Variants in VWDE observed in about 807,000 individuals in gnomAD.
VWDE encodes the protein von Willebrand factor D and EGF domains.
A neutral mutation model predicts 178.4 loss-of-function variants in VWDE; 207 were observed. The observed-to-expected ratio is 1.16, with a 90% confidence interval of 1.04 to 1.30. The LOEUF is 1.30. Among genes scored for constraint, VWDE ranks in the 50% most tolerant of loss-of-function variants. The pLI, the probability that VWDE is intolerant of heterozygous loss-of-function variation, is 0.00. For synonymous variants in VWDE, 738 were observed against 651.4 expected (o/e 1.13, Z -2.02); for missense variants, 2,287 against 1,901.3 (o/e 1.20, Z -3.77).
At chr7:12,379,342 A>T in intron 6 of VWDE, 135 bp downstream of exon 6, 1 of 508,142 alleles carries the variant, frequency 2.0e-6, no homozygotes, top group Non-Finnish European at 3.2e-6. Flanking sequence ...CTTTTCTTCA[A>T]ATATGGGGAC....
Position 12,361,152 on chromosome 7 carries a change from T to C in VWDE, c.3154A>G (p.Ile1052Val). 2 of 1,514,478 alleles carry C rather than the reference T, an allele frequency of 1.3e-6. No individual in the cohort carries two copies. Among genetic ancestry groups the C allele is most frequent in the Non-Finnish European group, 9.0e-7 (1 of 1,116,234 alleles). 93.8% of individuals were successfully genotyped at this position (1,514,478 alleles called of 1,614,324 possible). Residue 1052 changes from isoleucine to valine, a missense_variant, in exon 15 of 29, where the codon ATA (isoleucine) becomes GTA (valine). Transcript: ENST00000275358. ...CGLYKNDSCT[I>V]KENVCIIDGL... ...TACATGAAAAAAATACATACCTTTA[T>C]AGTACATGAGTCATTTTTATAGAGA... is the stretch of plus-strand genomic sequence containing the variant.
chr7:12,342,853 C>T (rs1167374097), intron 22 of VWDE, among the ~76,000 whole-genome samples: 1 of 145,564 alleles, frequency 6.9e-6, no homozygotes, highest in Non-Finnish European at 1.5e-5. Flanking sequence ...CCACAACAGT[C>T]CCCAGAGTGT....
rs895479031 is a variant in VWDE, at chr7:12,352,111, C to A, written c.3746-398G>T. ...CAGAGATATCTCACCACAAACCAAC[C>A]CTACTCGCACCTTAATCTTGAACTT... On this transcript the variant is annotated intron_variant, in intron 18 of 28. Coordinates refer to ENST00000275358, the MANE Select transcript of VWDE (RefSeq NM_001135924.3). Among the ~76,000 whole-genome samples the A allele has an allele frequency of 5.3e-5, 8 of 152,228 alleles. No individual in the cohort carries two copies. In the South Asian group the frequency reaches 8.3e-4, roughly 16 times the overall value.
At chr7:12,341,239 T>G (rs1264525143) in intron 23 of VWDE, among the ~76,000 whole-genome samples, 1 of 152,192 alleles carries the variant, frequency 6.6e-6, no homozygotes, top group Non-Finnish European at 1.5e-5. Flanking sequence ...TCACAAATAA[T>G]TGGCCAGCTA....
intron 1 of VWDE, among the ~76,000 whole-genome samples, chr7:12,401,826 C>G (rs566494362): frequency 3.9e-5 from 6 of 152,180 alleles, no homozygotes; most frequent in Non-Finnish European, 8.8e-5. Context: ...TACATCCAAA[C>G]AAAACTTGTA....
chr7:12,361,404 G>C lies in VWDE; in HGVS notation c.3016C>G (p.Leu1006Val), dbSNP rs746065963. Residue 1006 changes from leucine to valine, a missense_variant, in exon 14 of 29, where the codon CTG becomes GTG. Leu to Val is a conservative substitution (Grantham distance 32). Transcript: ENST00000275358. ...TTCCCAGTTGGTTTCCCACCCACCA[G>C]ATCCATGGTATCAAACTGCTGAACA... ...TDVQQFDTMD[L>V]VGGKPTGKWQ... The C allele has an allele frequency of 2.6e-6, 4 of 1,550,824 alleles. No homozygotes were observed. The highest frequency in any genetic ancestry group is 3.9e-5 in the Admixed American group (2 of 50,924).
chr7:12,333,750 A>C, intron 27 of VWDE, 182 bp from the exon 28 acceptor site: 1 of 403,686 alleles, frequency 2.5e-6, no homozygotes, highest in Non-Finnish European at 4.4e-6. Context: ...ACACGCACAC[A>C]TCAAAAACAA....
intron 1 of VWDE, among the ~76,000 whole-genome samples, chr7:12,396,536 A>G (rs1784634898): frequency 6.6e-6 from 1 of 152,212 alleles, no homozygotes; most frequent in South Asian, 2.1e-4. Flanking sequence ...AAATGTAATG[A>G]GAAATAAAAA....
At chr7:12,380,410 T>C in intron 5 of VWDE, 76 bp downstream of exon 5, 1 of 1,487,660 alleles carries the variant, frequency 6.7e-7, no homozygotes, top group African/African-American at 1.4e-5. Context: ...ATCTATTTTT[T>C]GGATATGATG....
chr7:12,397,276 G>T (rs1784675697), intron 1 of VWDE, among the ~76,000 whole-genome samples: 1 of 152,034 alleles, frequency 6.6e-6, no homozygotes, highest in Non-Finnish European at 1.5e-5. Flanking sequence ...CACACCTACA[G>T]CCATCTGATC....
chr7:12,396,498 A>G (rs746155834), intron 1 of VWDE, among the ~76,000 whole-genome samples: 16 of 152,212 alleles, frequency 1.1e-4, no homozygotes, highest in Non-Finnish European at 2.2e-4. Context: ...CAAAGATTTG[A>G]GAAAGAGAAA....
At chr7:12,336,712 C>A (rs988990922) in intron 26 of VWDE, among the ~76,000 whole-genome samples, 1 of 152,094 alleles carries the variant, frequency 6.6e-6, no homozygotes, top group Non-Finnish European at 1.5e-5. Flanking sequence ...TTCCCCAACC[C>A]CAACTTCAGG....
chr7:12,389,496 A>G, intron 2 of VWDE, 138 bp from the exon 3 acceptor site: 1 of 622,748 alleles, frequency 1.6e-6, no homozygotes, highest in Non-Finnish European at 2.8e-6. Context: ...TACCTGTTCT[A>G]TACAAGGAAA....
rs1194070957 is a variant in VWDE at position 12,370,754 on chromosome 7, T to C, written c.1698A>G (p.Gly566=). 4 of 1,550,964 alleles carry C rather than the reference T, an allele frequency of 2.6e-6. No homozygotes were observed. The Admixed American group carries it at 7.9e-5, about 30-fold the overall frequency. The part of the protein sequence containing the change: ...VDYRNTLGLC[G]TFDENPENDF... The stretch of plus-strand genomic sequence containing the variant: ...CATTTTCCGGATTTTCATCAAAGGT[T>C]CCACAAAGTCCCAGAGTGTTTCTGT... Residue 566 remains glycine (G), a synonymous_variant, in exon 11 of 29, where the codon GGA becomes GGG. Coordinates refer to ENST00000275358, the MANE Select transcript of VWDE (RefSeq NM_001135924.3).
chr7:12,403,638 C>G, intron 1 of VWDE, 21 bp downstream of exon 1: 8 of 1,534,716 alleles, frequency 5.2e-6, no homozygotes, highest in Non-Finnish European at 7.0e-6. Context: ...CGCCCACCCC[C>G]GCGCGCCCTA....
chr7:12,333,797 TA>T (rs1780864802), intron 27 of VWDE: 1 of 346,176 alleles, frequency 2.9e-6, no homozygotes, highest in Non-Finnish European at 5.2e-6. Flanking sequence ...TGGAATTCTA[TA>T]AAGATATTAT....
At chr7:12,390,164 CAAAA>C (rs200320227) in intron 2 of VWDE, among the ~76,000 whole-genome samples, 2 of 105,734 alleles carry the variant, frequency 1.9e-5, no homozygotes, top group Admixed American at 1.1e-4. Context: ...GACTCCATCT[CAAAA>C]AAAAAAAAAA....
At chr7:12,352,401 A>G (rs1044064007) in intron 18 of VWDE, among the ~76,000 whole-genome samples, 11 of 152,234 alleles carry the variant, frequency 7.2e-5, no homozygotes, top group African/African-American at 2.6e-4. Context: ...AGAAAACACC[A>G]CCAACAACCA....
In VWDE at chr7:12,342,091, T is replaced by C. The variant is rs894386746; in HGVS notation, c.4238A>G (p.Lys1413Arg). The C allele has an allele frequency of 4.5e-6, 7 of 1,551,182 alleles. No individual in the cohort carries two copies. The highest frequency in any genetic ancestry group is 2.7e-5 in the African/African-American group (2 of 72,782). Residue 1413 changes from lysine to arginine, a missense_variant, in exon 23 of 29, where the codon AAA becomes AGA. Lys to Arg is a conservative substitution (Grantham distance 26). Transcript: ENST00000275358. ...QCLTPDICQC[K>R]PGWYGPTCST... ...ACAGGTGGGTCCATACCAGCCAGGT[T>C]TGCACTGGCAAATATCTGGTGTAAG...
Sources: gnomAD v4.1 joint callset for allele counts (sites outside exome capture counted in the v4.1 genomes callset) on GRCh38, gnomAD v4.1.1 for gene constraint, MANE v1.5 for transcripts, NCBI Gene and HGNC (gene_info 2026-07-23, HGNC 2026-07-21) for gene names.